CALHM3: variants seen among roughly 807,000 people sequenced by gnomAD.
The protein encoded by CALHM3 is calcium homeostasis modulator 3, also known as calcium homeostasis modulator protein 3.
In CALHM3, 9 loss-of-function variants were observed where a neutral mutation model predicts 13.6. The observed-to-expected ratio is 0.66, with a 90% CI of 0.40 to 1.15. The LOEUF is 1.15. Ranked by LOEUF, CALHM3 falls within the 50% of genes most tolerant of loss-of-function variation. The pLI, the probability that CALHM3 is intolerant of heterozygous loss-of-function variation, is 0.01. For synonymous variants in CALHM3, 231 were observed against 213.2 expected (o/e 1.08, Z -0.73); for missense variants, 497 against 463.4 (o/e 1.07, Z -0.67).
At chr10:103,478,629 G>A in intron 1 of CALHM3, 117 bp downstream of exon 1, 1 of 1,111,510 alleles carries the variant, frequency 9.0e-7, no homozygotes, top group South Asian at 1.8e-5. Flanking sequence ...AGGGTGGGTG[G>A]AGAATCCCCT....
intron 2 of CALHM3, among the ~76,000 whole-genome samples, chr10:103,475,130 A>G (rs536219526): frequency 2.0e-5 from 3 of 152,228 alleles, no homozygotes; most frequent in African/African-American, 7.2e-5. Context: ...CCTCCTCTCT[A>G]CCTTCCAAAG....
In CALHM3 at chr10:103,472,976, TAC is replaced by T; in HGVS notation, c.*235_*236del. Reference sequence around the variant, plus strand: ...GCAGAATCTCAGACTCGGTCCTGGCTACACTGTCTGAACCTGTATTTAACAAG... The same window carrying T: ...GCAGAATCTCAGACTCGGTCCTGGCTACTGTCTGAACCTGTATTTAACAAG... On this transcript the variant is annotated 3_prime_UTR_variant, in exon 3 of 3. Coordinates refer to ENST00000369783, the MANE Select transcript of CALHM3 (RefSeq NM_001129742.2). 1 of 408,186 alleles carries T rather than the reference TAC, an allele frequency of 2.4e-6. No homozygotes were observed. 25.3% of individuals were successfully genotyped at this position (408,186 alleles called of 1,614,324 possible). A position where few individuals can be genotyped will look rare whatever the true frequency, so the allele number is the denominator to read the frequency against.
intron 1 of CALHM3, among the ~76,000 whole-genome samples, chr10:103,478,401 G>C (rs1009254137): frequency 6.6e-6 from 1 of 152,226 alleles, no homozygotes; most frequent in Non-Finnish European, 1.5e-5. Flanking sequence ...ATTTTCAGCA[G>C]AGCTTCAGAG....
At chr10:103,475,690 C>A (rs561633518) in intron 2 of CALHM3, among the ~76,000 whole-genome samples, 5 of 152,352 alleles carry the variant, frequency 3.3e-5, no homozygotes, top group East Asian at 3.9e-4. Flanking sequence ...TTATCTATAG[C>A]CCTAGTGGTG....
rs1344059472 is a variant in CALHM3 at position 103,473,011 on chromosome 10, G to C, written c.*202C>G. ...GAACCTGTATTTAACAAGGCCCTCG[G>C]TGAACCGAGTCCACATTAAAGTTTG... On this transcript the variant is annotated 3_prime_UTR_variant, in exon 3 of 3. Transcript: ENST00000369783. The C allele has an allele frequency of 2.2e-6, 1 of 459,356 alleles. No homozygotes were observed. The highest frequency in any genetic ancestry group is 3.5e-5 in the East Asian group (1 of 28,338). The allele number at this position is 459,356 out of a possible 1,614,324, so 28.5% of individuals were successfully genotyped here. A position where few individuals can be genotyped will look rare whatever the true frequency, so the allele number is the denominator to read the frequency against.
intron 2 of CALHM3, 114 bp from the exon 3 acceptor site, chr10:103,473,818 A>G (rs1228653493): frequency 1.6e-6 from 2 of 1,285,394 alleles, no homozygotes; most frequent in South Asian, 1.7e-5. Context: ...TGTCTACATA[A>G]TAATATTCTT....
Position 103,479,063 on chromosome 10 carries a change from G to C in CALHM3, c.-31C>G. 1 of 1,523,786 alleles carries C rather than the reference G, an allele frequency of 6.6e-7. No homozygotes were observed. The highest frequency in any genetic ancestry group is 1.3e-5 in the South Asian group (1 of 77,696). 94.4% of individuals were successfully genotyped at this position (1,523,786 alleles called of 1,614,324 possible). A position where few individuals can be genotyped will look rare whatever the true frequency, so the allele number is the denominator to read the frequency against. ...CAGCCTGGGTGGGTGGGCGGCCGTC[G>C]GTTCGGCTCAGTGAGGCTCTGGCCA... On this transcript the variant is annotated 5_prime_UTR_variant, in exon 1 of 3. Transcript: ENST00000369783.
In CALHM3 at chr10:103,476,512, C is replaced by T. The variant is rs1220644245; in HGVS notation, c.325G>A (p.Ala109Thr). 1.5e-5 allele frequency: 23 copies of T among 1,551,468 alleles called. No individual in the cohort carries two copies. Among genetic ancestry groups the T allele is most frequent in the South Asian group, 8.3e-5 (7 of 84,066 alleles). ...CSSVLQRALA[A>T]PLVWILLALL... ...GCCAGCAGGATCCAGACCAGGGGGG[C>T]GGCCAGCGCCCTCTGCAGCACAGAG... Residue 109 changes from alanine to threonine, a missense_variant, in exon 2 of 3, where the codon GCC (alanine) becomes ACC (threonine). Ala to Thr is a moderately conservative substitution (Grantham distance 58). Coordinates refer to ENST00000369783, the MANE Select transcript of CALHM3 (RefSeq NM_001129742.2).
At position 103,473,570 on chromosome 10, in the gene CALHM3, G is replaced by A. The variant is rs2033352728; in HGVS notation, c.678C>T (p.Leu226=). Residue 226 remains leucine, a synonymous_variant, in exon 3 of 3, where the codon CTC becomes CTT. Transcript: ENST00000369783. ...CATGCTCACAGCAGGTCTCGTCGAA[G>A]AGCTTCTGCTCCAGGTCCACGTAGT... ...WSNYVDLEQK[L]FDETCCEHAR... is the part of the protein sequence containing the mutation. 5 of 1,551,228 alleles carry A rather than the reference G, an allele frequency of 3.2e-6. No individual in the cohort carries two copies. Among genetic ancestry groups the A allele is most frequent in the African/African-American group, 1.4e-5 (1 of 73,064 alleles).
Position 103,473,328 on chromosome 10 carries a change from G to GAAT in CALHM3, c.919_920insATT (p.Tyr306dup). ...AGCCAGGTCCAGCGGCGGCTTGCTG[G>GAAT]AGTACCACGTGCTTAGGAGGCGGTC... On this transcript the variant is annotated inframe_insertion, in exon 3 of 3. Coordinates refer to ENST00000369783, the MANE Select transcript of CALHM3 (RefSeq NM_001129742.2). The GAAT allele has an allele frequency of 1.3e-6, 2 of 1,499,754 alleles. No individual in the cohort carries two copies. Among genetic ancestry groups the GAAT allele is most frequent in the Non-Finnish European group, 1.8e-6 (2 of 1,119,692 alleles). 92.9% of individuals were successfully genotyped at this position (1,499,754 alleles called of 1,614,324 possible). A position where few individuals can be genotyped will look rare whatever the true frequency, so the allele number is the denominator to read the frequency against.
At chr10:103,475,416 C>T (rs576577576) in intron 2 of CALHM3, among the ~76,000 whole-genome samples, 6 of 152,342 alleles carry the variant, frequency 3.9e-5, no homozygotes, top group African/African-American at 9.6e-5. Flanking sequence ...ATTCAAACCC[C>T]GGTCTCACTG....
rs2033391344 is a variant in CALHM3 at position 103,476,515 on chromosome 10, C to A, written c.322G>T (p.Ala108Ser). The change falls in exon 2 of 3, where the codon GCC becomes TCC. Residue 108 changes from alanine to serine, a missense_variant. Physicochemically the swap from Ala to Ser is moderately conservative, Grantham distance 99 (BLOSUM62 1). Coordinates refer to ENST00000369783, the MANE Select transcript of CALHM3 (RefSeq NM_001129742.2). Reference protein sequence around the residue: ...MCSSVLQRALAAPLVWILLAL... With the variant: ...MCSSVLQRALSAPLVWILLAL... ...AGCAGGATCCAGACCAGGGGGGCGGCCAGCGCCCTCTGCAGCACAGAGGAG... is the reference window on the plus strand; with the variant it reads ...AGCAGGATCCAGACCAGGGGGGCGGACAGCGCCCTCTGCAGCACAGAGGAG... 1 of 1,551,584 alleles carries A rather than the reference C, an allele frequency of 6.4e-7. No homozygotes were observed. The highest frequency in any genetic ancestry group is 8.7e-7 in the Non-Finnish European group (1 of 1,147,006).
chr10:103,477,417 C>T lies in CALHM3; in HGVS notation c.288-868G>A, dbSNP rs932810591. 5.3e-5 allele frequency among the ~76,000 whole-genome samples: 8 copies of T among 152,300 alleles called. 2 individuals carry two copies. Among genetic ancestry groups the T allele is most frequent in the Admixed American group, 5.2e-4 (8 of 15,302 alleles). On this transcript the variant is annotated intron_variant, in intron 1 of 2. Coordinates refer to ENST00000369783, the MANE Select transcript of CALHM3 (RefSeq NM_001129742.2). ...TGCAGGGAGATGTGATCCCTGAGAA[C>T]ATGGAACAGAGGCTGAGGGTGCACC...
chr10:103,475,619 C>T (rs1031330863), intron 2 of CALHM3, among the ~76,000 whole-genome samples: 6 of 152,342 alleles, frequency 3.9e-5, no homozygotes, highest in African/African-American at 9.6e-5. Context: ...CTCCCTCCAC[C>T]GCACCATTGG....
rs1452964843 is a variant in CALHM3, at chr10:103,473,446, G to A, written c.802C>T (p.Leu268Phe). Residue 268 changes from leucine to phenylalanine, a missense_variant, in exon 3 of 3, where the codon CTC (leucine) becomes TTC (phenylalanine). Physicochemically the swap from Leu to Phe is conservative, Grantham distance 22. Coordinates refer to ENST00000369783, the MANE Select transcript of CALHM3 (RefSeq NM_001129742.2). ...GGCTCAGGCACTGCGGGGAGCTCGA[G>A]TCTCCTGCCTGCATTGCCCCGGCGC... ...GLRRGNAGRR[L>F]ELPAVPEPPE... 1.3e-6 allele frequency: 2 copies of A among 1,536,554 alleles called. No homozygotes were observed. Among genetic ancestry groups the A allele is most frequent in the East Asian group, 2.5e-5 (1 of 40,710 alleles).
chr10:103,476,639 G>A (rs2033393458), intron 1 of CALHM3, 90 bp from the exon 2 acceptor site: 2 of 1,455,780 alleles, frequency 1.4e-6, no homozygotes, highest in Non-Finnish European at 1.9e-6. Context: ...GGAAGTCCCA[G>A]GCTGGGTTAC....
chr10:103,474,042 G>A (rs931642923), intron 2 of CALHM3, among the ~76,000 whole-genome samples: 2 of 152,186 alleles, frequency 1.3e-5, no homozygotes, highest in Admixed American at 1.3e-4. Flanking sequence ...TAGAGCATCT[G>A]CTACTTGAGG....
intron 2 of CALHM3, 90 bp downstream of exon 2, chr10:103,476,204 G>A (rs1592163749): frequency 1.3e-6 from 2 of 1,499,966 alleles, no homozygotes; most frequent in Non-Finnish European, 1.8e-6. Flanking sequence ...CCCATCATCT[G>A]TCCCTCCTCA....
At chr10:103,476,121 A>G (rs987867780) in intron 2 of CALHM3, among the ~76,000 whole-genome samples, 173 bp downstream of exon 2, 1 of 152,224 alleles carries the variant, frequency 6.6e-6, no homozygotes, top group African/African-American at 2.4e-5. Context: ...GGTGGGAAGA[A>G]GGTGTGCAGT....
Sources: gnomAD v4.1 joint callset for allele counts (sites outside exome capture counted in the v4.1 genomes callset) on GRCh38, gnomAD v4.1.1 for gene constraint, MANE v1.5 for transcripts, NCBI Gene and HGNC (gene_info 2026-07-23, HGNC 2026-07-21) for gene names.